The following RAD9B variants were observed in gnomAD, a reference collection of about 807,000 sequenced individuals.
RAD9B encodes the protein cell cycle checkpoint control protein RAD9B.
In RAD9B, 41 loss-of-function variants were observed where a neutral mutation model predicts 48.3. That is an observed-to-expected ratio of 0.85 (90% confidence interval 0.66 to 1.10). The LOEUF is 1.10. Among genes scored for constraint, RAD9B ranks in the 50% least tolerant of loss-of-function variants. The pLI, the probability that RAD9B is intolerant of heterozygous loss-of-function variation, is 0.00. For missense variants in RAD9B, 444 were observed against 485.1 expected (o/e 0.92, Z 0.80); for synonymous variants, 160 against 157.9 (o/e 1.01, Z -0.10).
intron 9 of RAD9B, among the ~76,000 whole-genome samples, chr12:110,521,104 G>A (rs577139346): frequency 3.3e-5 from 5 of 152,070 alleles, no homozygotes; most frequent in Admixed American, 2.6e-4. Flanking sequence ...TAACATTCTG[G>A]CTCACTGCAT....
chr12:110,520,516 G>C (rs1328492530), intron 9 of RAD9B, among the ~76,000 whole-genome samples: 1 of 129,308 alleles, frequency 7.7e-6, no homozygotes, highest in African/African-American at 2.8e-5. Context: ...CGGGCCTTTA[G>C]TTTTTTTTTT....
At chr12:110,525,683 G>C (rs549294212) in intron 10 of RAD9B, among the ~76,000 whole-genome samples, 2 of 152,166 alleles carry the variant, frequency 1.3e-5, no homozygotes, top group South Asian at 2.1e-4. Flanking sequence ...TTAGCAACTG[G>C]TAAGTATTTT....
At chr12:110,513,732 TATTA>T (rs1565886880) in intron 5 of RAD9B, among the ~76,000 whole-genome samples, 141 of 126,648 alleles carry the variant, frequency 1.1e-3, no homozygotes, top group South Asian at 9.0e-3. Flanking sequence ...TTATTATTAT[TATTA>T]TTTTTGAGAC....
chr12:110,507,993 T>C (rs2063346894), intron 4 of RAD9B: 1 of 167,008 alleles, frequency 6.0e-6, no homozygotes, highest in Non-Finnish European at 1.5e-5. Context: ...TATATTTTTA[T>C]TTCAGCATAT....
Position 110,533,544 on chromosome 12 carries a change from T to C in RAD9B, c.*2891T>C, listed in dbSNP as rs2064188016. 1 of 152,232 alleles carries C rather than the reference T, an allele frequency of 6.6e-6. No individual in the cohort carries two copies. The highest frequency in any genetic ancestry group is 6.5e-5 in the Admixed American group (1 of 15,286). 9.4% of individuals were successfully genotyped at this position (152,232 alleles called of 1,614,324 possible). On this transcript the variant is annotated 3_prime_UTR_variant, in exon 11 of 11. Transcript: ENST00000409300. ...TGCAAAGAATTTAATTTTAAATAAA[T>C]AGAATCCAAATATGTCCTGCTTCAT...
chr12:110,530,735 T>C lies in RAD9B; in HGVS notation c.*82T>C, dbSNP rs1411233660. ...AGCACGAGTTTGCATGTTTAGTGTC[T>C]AAAAGAGGTTGTCCAGGACTTCCTT... On this transcript the variant is annotated 3_prime_UTR_variant, in exon 11 of 11. Transcript: ENST00000409300. 3.2e-6 allele frequency: 5 copies of C among 1,580,572 alleles called. No homozygotes were observed. Among genetic ancestry groups the C allele is most frequent in the Non-Finnish European group, 4.3e-6 (5 of 1,163,976 alleles).
Position 110,502,516 on chromosome 12 carries a change from C to T in RAD9B, c.46+133C>T. ...TGAGGACGCACGCCCTGGCCACAGCCCCACCCACTCAAGTCCCTGTTAACT... is the reference window on the plus strand; with the variant it reads ...TGAGGACGCACGCCCTGGCCACAGCTCCACCCACTCAAGTCCCTGTTAACT... On this transcript the variant is annotated intron_variant, in intron 1 of 10. Coordinates refer to ENST00000409300, the MANE Select transcript of RAD9B (RefSeq NM_001286535.2). The T allele has an allele frequency of 4.0e-6, 4 of 988,112 alleles. No individual in the cohort carries two copies. The South Asian group carries it at 4.6e-5, about 11-fold the overall frequency. 61.2% of individuals were successfully genotyped at this position (988,112 alleles called of 1,614,324 possible). A position where few individuals can be genotyped will look rare whatever the true frequency, so the allele number is the denominator to read the frequency against.
At position 110,531,583 on chromosome 12, in the gene RAD9B, GGAAA is replaced by G. The variant is rs139110749; in HGVS notation, c.*934_*937del. ...ATTTTTTATTTTGCAGTGTGCTGCA[GGAAA>G]GAATTTAATGGAAGTGATGCCAAAT... On this transcript the variant is annotated 3_prime_UTR_variant, in exon 11 of 11. Transcript: ENST00000409300. 1.8e-3 allele frequency: 2,807 copies of G among 1,602,310 alleles called. 33 individuals are homozygous for G. The African/African-American group carries it at 0.028, about 16-fold the overall frequency.
At chr12:110,502,837 G>C in intron 1 of RAD9B, 1 of 160,468 alleles carries the variant, frequency 6.2e-6, no homozygotes, top group Non-Finnish European at 1.4e-5. Context: ...CAGGGGTAAT[G>C]ACAGCACCTT....
Position 110,522,278 on chromosome 12 carries a change from C to A in RAD9B, c.992C>A (p.Thr331Asn). 6.2e-7 allele frequency: 1 copy of A among 1,613,218 alleles called. No homozygotes were observed. Among genetic ancestry groups the A allele is most frequent in the Non-Finnish European group, 8.5e-7 (1 of 1,179,610 alleles). Residue 331 changes from threonine to asparagine, a missense_variant, in exon 10 of 11, where the codon ACT becomes AAT. Coordinates refer to ENST00000409300, the MANE Select transcript of RAD9B (RefSeq NM_001286535.2). ...AAPRRLYPKE[T>N]LTNISALENC... is the part of the protein sequence containing the mutation. ...CCAAGAAGGCTTTATCCTAAGGAGA[C>A]TCTCACAAACATATCTGCATTGGAA...
At chr12:110,519,228 C>T (rs1334594695) in intron 8 of RAD9B, among the ~76,000 whole-genome samples, 2 of 151,728 alleles carry the variant, frequency 1.3e-5, no homozygotes, top group Non-Finnish European at 2.9e-5. Flanking sequence ...CTCAGCCTCC[C>T]AAGTAGCTGG....
At position 110,532,295 on chromosome 12, in the gene RAD9B, G is replaced by A. The variant is rs1461947616; in HGVS notation, c.*1642G>A. On this transcript the variant is annotated 3_prime_UTR_variant, in exon 11 of 11. Transcript: ENST00000409300. ...AGCTTTTATACACAAAAGTAACTCT[G>A]TAGGTCTCTTTGCTGAGGATAACAT... Among the ~76,000 whole-genome samples, 2 of 152,230 alleles carry A rather than the reference G, an allele frequency of 1.3e-5. No homozygotes were observed. The highest frequency in any genetic ancestry group is 2.4e-5 in the African/African-American group (1 of 41,454).
Position 110,519,835 on chromosome 12 carries a change from A to C in RAD9B, c.809A>C (p.Asn270Thr), listed in dbSNP as rs746015230. 3.1e-6 allele frequency: 5 copies of C among 1,613,276 alleles called. No individual in the cohort carries two copies. The highest frequency in any genetic ancestry group is 4.2e-6 in the Non-Finnish European group (5 of 1,179,696). The change falls in exon 9 of 11, where the codon AAC becomes ACC. Residue 270 changes from asparagine (N) to threonine (T), a missense_variant. By Grantham distance (65) the Asn-to-Thr change is moderately conservative (BLOSUM62 0). Coordinates refer to ENST00000409300, the MANE Select transcript of RAD9B (RefSeq NM_001286535.2). ...ATTGATGATATGTTAGTGGAAGCTA[A>C]CTTTATTTTGGCCACATTAGCTGAT... ...LSIDDMLVEA[N>T]FILATLADEQ...
chr12:110,518,974 T>C (rs761184642), intron 8 of RAD9B, 36 bp downstream of exon 8: 4 of 1,356,876 alleles, frequency 2.9e-6, no homozygotes. Flanking sequence ...CTTGTTTCTT[T>C]TGTTTTATAT....
chr12:110,502,503 C>A, intron 1 of RAD9B, 120 bp downstream of exon 1: 4 of 1,143,612 alleles, frequency 3.5e-6, no homozygotes, highest in Non-Finnish European at 5.1e-6. Flanking sequence ...AGGACGCACG[C>A]CCTGGCCACA....
In RAD9B at chr12:110,531,327, G is replaced by T. The variant is rs2064130660; in HGVS notation, c.*674G>T. Reference sequence around the variant, plus strand: ...CCTGCCTCAGCCTCCCGTGCAGCTGGGATTGCAGGTGCGTGCCACCATGCC... The same window carrying T: ...CCTGCCTCAGCCTCCCGTGCAGCTGTGATTGCAGGTGCGTGCCACCATGCC... On this transcript the variant is annotated 3_prime_UTR_variant, in exon 11 of 11. Transcript: ENST00000409300. 1 of 410,638 alleles carries T rather than the reference G, an allele frequency of 2.4e-6. No individual in the cohort carries two copies. Among genetic ancestry groups the T allele is most frequent in the South Asian group, 2.5e-5 (1 of 39,426 alleles). 25.4% of individuals were successfully genotyped at this position (410,638 alleles called of 1,614,324 possible). A position where few individuals can be genotyped will look rare whatever the true frequency, so the allele number is the denominator to read the frequency against.
chr12:110,511,458 T>C, intron 4 of RAD9B: 1 of 453,930 alleles, frequency 2.2e-6, no homozygotes, highest in South Asian at 1.6e-5. Flanking sequence ...GTCACTATGT[T>C]AAGTGAAATA....
At chr12:110,502,720 A>G (rs1012855497) in intron 1 of RAD9B, 18 of 231,290 alleles carry the variant, frequency 7.8e-5, no homozygotes, top group African/African-American at 3.2e-4. Context: ...TGCCAAGAGA[A>G]CAGCATTAAC....
intron 4 of RAD9B, among the ~76,000 whole-genome samples, chr12:110,509,608 A>G (rs1286259834): frequency 1.3e-5 from 2 of 152,172 alleles, no homozygotes; most frequent in Non-Finnish European, 2.9e-5. Flanking sequence ...AGAAGTGTGA[A>G]AAAATACCGG....
Sources: gnomAD v4.1 joint callset for allele counts (sites outside exome capture counted in the v4.1 genomes callset) on GRCh38, gnomAD v4.1.1 for gene constraint, MANE v1.5 for transcripts, NCBI Gene and HGNC (gene_info 2026-07-23, HGNC 2026-07-21) for gene names.